The following FAM222B variants were observed in gnomAD, a reference collection of about 807,000 sequenced individuals.
FAM222B encodes protein FAM222B.
Under a neutral mutation model 38.0 loss-of-function variants are expected in FAM222B, and 12 were observed. The ratio of observed to expected loss-of-function variants is 0.32; its 90% CI spans 0.20 to 0.51. FAM222B has a LOEUF of 0.51. FAM222B is among the 20% of genes least tolerant of loss of function. FAM222B has a pLI of 0.97. For synonymous variants in FAM222B, 329 were observed against 317.2 expected, an observed-to-expected ratio of 1.04 and a Z score of -0.40; for missense variants, 716 against 754.2, an observed-to-expected ratio of 0.95 and a Z score of 0.59.
At chr17:28,768,884 A>G (rs887584903) in intron 1 of FAM222B, among the ~76,000 whole-genome samples, 2 of 148,848 alleles carry the variant, frequency 1.3e-5, no homozygotes, top group East Asian at 4.0e-4. Context: ...TGGGGTCTGG[A>G]TGCTGATCTT....
intron 1 of FAM222B, among the ~76,000 whole-genome samples, chr17:28,813,152 C>CAAAA (rs34840127): frequency 8.2e-6 from 1 of 121,812 alleles, no homozygotes; most frequent in Non-Finnish European, 1.7e-5. Context: ...CACACACATA[C>CAAAA]AAAAAAAAAA....
At chr17:28,853,941 C>CTTTTT (rs34393247) in intron 1 of FAM222B, among the ~76,000 whole-genome samples, 6 of 119,980 alleles carry the variant, frequency 5.0e-5, no homozygotes, top group Non-Finnish European at 6.8e-5. Flanking sequence ...ATCTCTGTTT[C>CTTTTT]TTTTTTTTTT....
At chr17:28,765,691 G>A (rs926034978) in intron 2 of FAM222B, among the ~76,000 whole-genome samples, 1 of 152,112 alleles carries the variant, frequency 6.6e-6, no homozygotes, top group Non-Finnish European at 1.5e-5. Context: ...GAAGGAGTCC[G>A]GGAAAATATG....
At chr17:28,829,993 G>T (rs1035891139) in intron 1 of FAM222B, among the ~76,000 whole-genome samples, 2 of 151,788 alleles carry the variant, frequency 1.3e-5, no homozygotes, top group African/African-American at 4.8e-5. Flanking sequence ...GGGACTACAG[G>T]CGCAAGCCAC....
chr17:28,836,766 G>T (rs1480936286), intron 1 of FAM222B, among the ~76,000 whole-genome samples: 1 of 152,126 alleles, frequency 6.6e-6, no homozygotes, highest in Non-Finnish European at 1.5e-5. Context: ...CAGGCCCAGG[G>T]TGTGGCGCCG....
intron 1 of FAM222B, among the ~76,000 whole-genome samples, chr17:28,805,625 T>C (rs372886207): frequency 6.6e-6 from 1 of 150,836 alleles, no homozygotes; most frequent in African/African-American, 2.4e-5. Flanking sequence ...TATTCGAACC[T>C]GGATGACACA....
chr17:28,833,688 T>A (rs986200024), intron 1 of FAM222B, among the ~76,000 whole-genome samples: 4 of 150,700 alleles, frequency 2.7e-5, no homozygotes, highest in African/African-American at 9.8e-5. Flanking sequence ...CACTGTACTA[T>A]GAAGTAGTAG....
In FAM222B at chr17:28,823,946, C is replaced by T. The variant is rs534526184; in HGVS notation, c.-41+18736G>A. On this transcript the variant is annotated intron_variant, in intron 1 of 2. Transcript: ENST00000581407. ...AGGCTGGAGTGCAGTGGCACAATCTCGGCTCACTACAAGCTCTGCCTCCCA... is the reference window on the plus strand; with the variant it reads ...AGGCTGGAGTGCAGTGGCACAATCTTGGCTCACTACAAGCTCTGCCTCCCA... 4.2e-3 allele frequency among the ~76,000 whole-genome samples: 618 copies of T among 148,240 alleles called. 3 individuals are homozygous for T. The highest frequency in any genetic ancestry group is 0.012 in the South Asian group (54 of 4,662).
intron 1 of FAM222B, among the ~76,000 whole-genome samples, chr17:28,767,959 G>T (rs949950347): frequency 6.6e-6 from 1 of 152,108 alleles, no homozygotes; most frequent in Non-Finnish European, 1.5e-5. Context: ...AAGGAGAAAG[G>T]CTGCCAGCAG....
chr17:28,801,626 GTTC>G (rs1022934617), intron 1 of FAM222B, among the ~76,000 whole-genome samples: 47 of 152,016 alleles, frequency 3.1e-4, no homozygotes, highest in African/African-American at 9.9e-4. Flanking sequence ...TATTATTGTT[GTTC>G]TTCTTCTTCT....
At chr17:28,827,846 C>T (rs2038497141) in intron 1 of FAM222B, among the ~76,000 whole-genome samples, 2 of 152,102 alleles carry the variant, frequency 1.3e-5, no homozygotes, top group Non-Finnish European at 2.9e-5. Flanking sequence ...AGTCTTACAA[C>T]TTAGGAAGAT....
intron 1 of FAM222B, among the ~76,000 whole-genome samples, chr17:28,851,033 T>G (rs1308044556): frequency 6.6e-6 from 1 of 151,460 alleles, no homozygotes; most frequent in Non-Finnish European, 1.5e-5. Context: ...GCAGAAGAAT[T>G]GCTTGAACCC....
chr17:28,845,431 T>G (rs1383302203), upstream of FAM222B, among the ~76,000 whole-genome samples: 8 of 147,596 alleles, frequency 5.4e-5, no homozygotes, highest in African/African-American at 2.0e-4. Flanking sequence ...ACAAAAAAAT[T>G]GGCTGGGCGT....
intron 1 of FAM222B, among the ~76,000 whole-genome samples, chr17:28,776,255 T>C (rs2035890385): frequency 6.7e-6 from 1 of 148,518 alleles, no homozygotes; most frequent in African/African-American, 2.5e-5. Flanking sequence ...CAGGCGCCTA[T>C]AGTCCCAGCT....
intron 1 of FAM222B, among the ~76,000 whole-genome samples, chr17:28,837,221 G>C (rs1019907417): frequency 3.3e-5 from 5 of 152,172 alleles, no homozygotes; most frequent in Admixed American, 3.3e-4. Context: ...ACGAGGTCAG[G>C]AGATCGAGAC....
intron 2 of FAM222B, among the ~76,000 whole-genome samples, chr17:28,762,471 C>CA (rs1184036981): frequency 2.7e-5 from 4 of 147,784 alleles, no homozygotes; most frequent in African/African-American, 1.0e-4. Flanking sequence ...ACTAAAAATA[C>CA]AAAAAATTAG....
At chr17:28,814,454 GTTTTTA>G (rs1400426187) in intron 1 of FAM222B, among the ~76,000 whole-genome samples, 1 of 152,032 alleles carries the variant, frequency 6.6e-6, no homozygotes, top group Non-Finnish European at 1.5e-5. Flanking sequence ...TGACATGCCT[GTTTTTA>G]TTTTATTTAT....
chr17:28,814,208 C>T (rs2037928081), intron 1 of FAM222B, among the ~76,000 whole-genome samples: 2 of 150,674 alleles, frequency 1.3e-5, no homozygotes, highest in Admixed American at 6.6e-5. Context: ...AAAAAGAAAA[C>T]GGGGGTCAGG....
At chr17:28,770,952 ATG>A (rs774889238) in intron 1 of FAM222B, among the ~76,000 whole-genome samples, 1 of 151,116 alleles carries the variant, frequency 6.6e-6, no homozygotes, top group Non-Finnish European at 1.5e-5. Context: ...ATATATATAT[ATG>A]TGTGTGTGTA....
Sources: gnomAD v4.1 joint callset for allele counts (sites outside exome capture counted in the v4.1 genomes callset) on GRCh38, gnomAD v4.1.1 for gene constraint, MANE v1.5 for transcripts, NCBI Gene and HGNC (gene_info 2026-07-23, HGNC 2026-07-21) for gene names.